Variants in DACH2 observed in about 807,000 individuals in gnomAD.
DACH2 encodes the protein dachshund homolog 2.
DACH2 carries 17 observed loss-of-function variants against 35.8 expected under a neutral mutation model. That is an observed-to-expected ratio of 0.48 (90% CI 0.33 to 0.71). The LOEUF is 0.71. Ranked by LOEUF, DACH2 falls within the 30% of genes least tolerant of loss-of-function variation. The pLI, the probability that DACH2 is intolerant of heterozygous loss-of-function variation, is 0.02. For missense variants in DACH2, 469 were observed against 472.7 expected (o/e 0.99, Z 0.07); for synonymous variants, 195 against 177.3 (o/e 1.10, Z -0.79).
At chrX:86,532,709 T>C (rs984387461) in intron 3 of DACH2, among the ~76,000 whole-genome samples, 2 of 111,374 alleles carry the variant, frequency 1.8e-5, no homozygotes, top group Non-Finnish European at 3.8e-5. Context: ...TAGAGATACT[T>C]ATTGAGATAA....
intron 1 of DACH2, among the ~76,000 whole-genome samples, chrX:86,307,430 G>A: frequency 8.9e-6 from 1 of 111,927 alleles, no homozygotes; most frequent in Non-Finnish European, 1.9e-5. Context: ...GAATGGGGAT[G>A]TGTGAGAAGA....
intron 1 of DACH2, among the ~76,000 whole-genome samples, chrX:86,155,744 A>AT (rs1196980597): frequency 9.0e-6 from 1 of 111,252 alleles, no homozygotes; most frequent in Non-Finnish European, 1.9e-5. Context: ...TTAGATGTAG[A>AT]TCCTCTTTGA....
chrX:86,674,877 CCTA>C (rs1384955961), intron 4 of DACH2, among the ~76,000 whole-genome samples: 4 of 110,547 alleles, frequency 3.6e-5, no homozygotes, highest in African/African-American at 1.3e-4. Context: ...TGTAGCACAG[CCTA>C]ACATCAGATA....
chrX:86,408,301 C>G lies in DACH2; in HGVS notation c.527+31439C>G, dbSNP rs954889784. Among the ~76,000 whole-genome samples, 2 of 111,280 alleles carry G rather than the reference C, an allele frequency of 1.8e-5. 1 individual carries two copies. Among genetic ancestry groups the G allele is most frequent in the South Asian group, 7.5e-4 (2 of 2,661 alleles). ...CATCAGAGACACAAAGATGCATGTG[C>G]CTTTATCTCTACTCTCAAGTAGCTC... On this transcript the variant is annotated intron_variant, in intron 2 of 11. Coordinates refer to ENST00000373125, the MANE Select transcript of DACH2 (RefSeq NM_053281.3).
At chrX:86,640,100 G>C (rs1295621130) in intron 3 of DACH2, among the ~76,000 whole-genome samples, 1 of 110,941 alleles carries the variant, frequency 9.0e-6, no homozygotes, top group East Asian at 2.9e-4. Flanking sequence ...TACTGCAGCA[G>C]CCCTAAGGAA....
intron 2 of DACH2, among the ~76,000 whole-genome samples, chrX:86,443,504 AT>A (rs112649268): frequency 0.2 from 19,686 of 99,130 alleles, 3,397 homozygotes; most frequent in African/African-American, 0.54. Context: ...ATTTGAATGA[AT>A]TTTTTTTTTT....
At chrX:86,703,056 A>T (rs2041162437) in intron 5 of DACH2, among the ~76,000 whole-genome samples, 1 of 111,338 alleles carries the variant, frequency 9.0e-6, no homozygotes, top group South Asian at 3.7e-4. Flanking sequence ...CAACACATCA[A>T]AAAGATAATA....
intron 11 of DACH2, among the ~76,000 whole-genome samples, chrX:86,825,898 A>G (rs1391317036): frequency 8.9e-6 from 1 of 111,934 alleles, no homozygotes; most frequent in Non-Finnish European, 1.9e-5. Context: ...GAAGTCATTT[A>G]CCTTCTCTCT....
Position 86,436,303 on chromosome X carries a change from C to T in DACH2, c.527+59441C>T, listed in dbSNP as rs759170956. On this transcript the variant is annotated intron_variant, in intron 2 of 11. Coordinates refer to ENST00000373125, the MANE Select transcript of DACH2 (RefSeq NM_053281.3). ...TGTTTTCATCTTGTTCAAGATTAAACTCCTGTGGCAAAAGTGGAACTGAAA... is the reference window on the plus strand; with the variant it reads ...TGTTTTCATCTTGTTCAAGATTAAATTCCTGTGGCAAAAGTGGAACTGAAA... 5.5e-5 allele frequency among the ~76,000 whole-genome samples: 6 copies of T among 109,996 alleles called. No individual in the cohort carries two copies. In the South Asian group the frequency reaches 2.3e-3, roughly 42 times the overall value.
chrX:86,400,068 C>T (rs1056298578), intron 2 of DACH2, among the ~76,000 whole-genome samples: 3 of 111,443 alleles, frequency 2.7e-5, no homozygotes, highest in Admixed American at 9.5e-5. Flanking sequence ...TTCTTGGAGG[C>T]TTTGTTCATT....
intron 1 of DACH2, among the ~76,000 whole-genome samples, chrX:86,156,185 TAA>T (rs936306515): frequency 9.0e-6 from 1 of 111,183 alleles, no homozygotes; most frequent in Non-Finnish European, 1.9e-5. Flanking sequence ...ATGGTATCCT[TAA>T]AAAAGAACTG....
intron 2 of DACH2, among the ~76,000 whole-genome samples, chrX:86,421,149 A>T (rs1179334530): frequency 8.9e-6 from 1 of 111,985 alleles, no homozygotes; most frequent in Non-Finnish European, 1.9e-5. Context: ...ATTATAAATT[A>T]TAAATGTAAG....
At chrX:86,336,263 A>G (rs1161385551) in intron 1 of DACH2, among the ~76,000 whole-genome samples, 5 of 112,247 alleles carry the variant, frequency 4.5e-5, no homozygotes, top group Non-Finnish European at 9.4e-5. Flanking sequence ...CTGGCCTCAT[A>G]AAATGATTTA....
intron 3 of DACH2, among the ~76,000 whole-genome samples, chrX:86,542,261 C>A (rs1016980114): frequency 1.8e-5 from 2 of 111,259 alleles, no homozygotes; most frequent in African/African-American, 6.5e-5. Flanking sequence ...AAAATTTTAT[C>A]CCCAGTGTGT....
intron 5 of DACH2, among the ~76,000 whole-genome samples, chrX:86,709,589 C>T (rs2041255968): frequency 3.6e-5 from 4 of 111,299 alleles, no homozygotes; most frequent in African/African-American, 1.3e-4. Flanking sequence ...TCATGACACA[C>T]ACTGTTAAGA....
intron 1 of DACH2, among the ~76,000 whole-genome samples, chrX:86,149,631 T>A: frequency 9.0e-6 from 1 of 111,215 alleles, no homozygotes; most frequent in Non-Finnish European, 1.9e-5. Context: ...CCATCCCGTG[T>A]GTTTGTTGTG....
At chrX:86,656,201 G>A (rs1166524553) in intron 4 of DACH2, among the ~76,000 whole-genome samples, 1 of 111,063 alleles carries the variant, frequency 9.0e-6, no homozygotes, top group Non-Finnish European at 1.9e-5. Flanking sequence ...TAAGAATTGA[G>A]GACATGGCTT....
chrX:86,368,467 G>A (rs2035837523), intron 1 of DACH2, among the ~76,000 whole-genome samples: 1 of 111,021 alleles, frequency 9.0e-6, no homozygotes, highest in Admixed American at 9.6e-5. Context: ...GATAAATATG[G>A]CCTCTATGGG....
intron 1 of DACH2, among the ~76,000 whole-genome samples, chrX:86,268,543 T>TATTTTATTTTATTTTA (rs1556007498): frequency 5.6e-5 from 5 of 90,023 alleles, no homozygotes; most frequent in African/African-American, 1.9e-4. Flanking sequence ...TATTTTATTT[T>TATTTTATTTTATTTTA]ATTTTATTTG....
Sources: gnomAD v4.1 joint callset for allele counts (sites outside exome capture counted in the v4.1 genomes callset) on GRCh38, gnomAD v4.1.1 for gene constraint, MANE v1.5 for transcripts, NCBI Gene and HGNC (gene_info 2026-07-23, HGNC 2026-07-21) for gene names.